The following MACROD2 variants were observed in gnomAD, a reference collection of about 807,000 sequenced individuals.
MACROD2 encodes the protein mono-ADP ribosylhydrolase 2.
In MACROD2, 36 loss-of-function variants were observed where a neutral mutation model predicts 70.4. The observed-to-expected ratio is 0.51, with a 90% CI of 0.39 to 0.68. The LOEUF (loss-of-function observed/expected upper bound fraction) is 0.68, where lower values mean the gene tolerates loss of function less well. Ranked by LOEUF, MACROD2 falls within the 30% of genes least tolerant of loss-of-function variation. MACROD2 has a pLI of 0.00. For synonymous variants in MACROD2, 172 were observed against 178.8 expected (o/e 0.96, Z 0.30); for missense variants, 496 against 538.4 (o/e 0.92, Z 0.78).
chr20:15,569,430 A>G (rs1343710032), intron 8 of MACROD2, among the ~76,000 whole-genome samples: 2 of 152,150 alleles, frequency 1.3e-5, no homozygotes, highest in Non-Finnish European at 2.9e-5. Flanking sequence ...AGCATTTTTT[A>G]AGAATACAAT....
At chr20:16,042,544 C>T (rs1486662512) in intron 16 of MACROD2, among the ~76,000 whole-genome samples, 2 of 152,024 alleles carry the variant, frequency 1.3e-5, no homozygotes, top group Admixed American at 1.3e-4. Context: ...TTTAAAGTTG[C>T]TTTTCCCAAA....
Position 15,388,518 on chromosome 20 carries a change from G to A in MACROD2, c.541-42887G>A, listed in dbSNP as rs116186387. Among the ~76,000 whole-genome samples the A allele has an allele frequency of 2.0e-3, 298 of 152,216 alleles. 3 individuals are homozygous for A. The highest frequency in any genetic ancestry group is 6.8e-3 in the African/African-American group (281 of 41,530). On this transcript the variant is annotated intron_variant, in intron 6 of 17. Coordinates refer to ENST00000684519, the MANE Select transcript of MACROD2 (RefSeq NM_001351661.2). ...CAGATAAACATCACATTATTTTTAA[G>A]TATGTCTCATGTAATATTTCATGTA...
chr20:15,634,053 T>A (rs1313379554), intron 8 of MACROD2, among the ~76,000 whole-genome samples: 1 of 152,250 alleles, frequency 6.6e-6, no homozygotes, highest in Non-Finnish European at 1.5e-5. Context: ...GGTTTTTTCC[T>A]CTCTGGTTGC....
At chr20:15,758,405 A>ATTTTTGT (rs2051381261) in intron 8 of MACROD2, among the ~76,000 whole-genome samples, 1 of 142,112 alleles carries the variant, frequency 7.0e-6, no homozygotes, top group African/African-American at 2.6e-5. Flanking sequence ...CACCCAGCTA[A>ATTTTTGT]TTTTTGTTTT....
At chr20:14,783,825 A>G (rs1181494458) in intron 5 of MACROD2, among the ~76,000 whole-genome samples, 1 of 152,084 alleles carries the variant, frequency 6.6e-6, no homozygotes, top group African/African-American at 2.4e-5. Flanking sequence ...CCCCTGTAGA[A>G]TATGTACCTC....
intron 3 of MACROD2, among the ~76,000 whole-genome samples, chr20:14,413,815 T>A (rs2083774537): frequency 6.6e-6 from 1 of 152,228 alleles, no homozygotes. Context: ...TTTTTTTTCC[T>A]GTTGAAATTG....
intron 5 of MACROD2, among the ~76,000 whole-genome samples, chr20:15,028,386 C>A (rs551747480): frequency 6.6e-6 from 1 of 152,196 alleles, no homozygotes; most frequent in South Asian, 2.1e-4. Flanking sequence ...TGGGATTAGA[C>A]ACCCAAATCT....
At chr20:15,372,041 G>T (rs16995635) in intron 6 of MACROD2, among the ~76,000 whole-genome samples, 3 of 152,002 alleles carry the variant, frequency 2.0e-5, no homozygotes, top group African/African-American at 7.2e-5. Flanking sequence ...TATTTTTTGT[G>T]TGAACACGTA....
chr20:15,892,343 C>A (rs1263267965), intron 10 of MACROD2, among the ~76,000 whole-genome samples: 2 of 152,204 alleles, frequency 1.3e-5, no homozygotes, highest in East Asian at 3.8e-4. Flanking sequence ...TTTCCTGACA[C>A]TGTCCTCAGA....
chr20:14,006,200 A>G (rs2052817598), intron 2 of MACROD2, among the ~76,000 whole-genome samples: 1 of 152,180 alleles, frequency 6.6e-6, no homozygotes. Context: ...TGTACCATCT[A>G]GATTTTTGTA....
At chr20:14,752,885 A>T (rs1287746718) in intron 5 of MACROD2, among the ~76,000 whole-genome samples, 2 of 152,108 alleles carry the variant, frequency 1.3e-5, no homozygotes, top group African/African-American at 4.8e-5. Flanking sequence ...GTAAGAGTGT[A>T]TGATTGAGTT....
intron 8 of MACROD2, among the ~76,000 whole-genome samples, chr20:15,698,617 G>A (rs2050410861): frequency 6.6e-6 from 1 of 152,132 alleles, no homozygotes; most frequent in South Asian, 2.1e-4. Context: ...TGGCTGTCTA[G>A]GTCTCTAGCA....
chr20:15,508,159 A>G (rs955314489), intron 8 of MACROD2, among the ~76,000 whole-genome samples: 11 of 152,162 alleles, frequency 7.2e-5, no homozygotes, highest in Non-Finnish European at 2.9e-5. Context: ...TGTCTTCTGC[A>G]CTTGCATATA....
chr20:15,681,645 A>C (rs762751064), intron 8 of MACROD2, among the ~76,000 whole-genome samples: 2 of 152,206 alleles, frequency 1.3e-5, no homozygotes, highest in Non-Finnish European at 2.9e-5. Flanking sequence ...AATGGCCAGT[A>C]GTTTGCAGGT....
intron 4 of MACROD2, among the ~76,000 whole-genome samples, chr20:14,546,015 T>C (rs1280279605): frequency 1.3e-5 from 2 of 152,224 alleles, no homozygotes; most frequent in Non-Finnish European, 2.9e-5. Flanking sequence ...TTTAAATTTA[T>C]AAATGCACTG....
chr20:15,674,569 A>G (rs1177406583), intron 8 of MACROD2, among the ~76,000 whole-genome samples: 2 of 152,030 alleles, frequency 1.3e-5, no homozygotes, highest in East Asian at 3.9e-4. Context: ...CTCAAGGCAT[A>G]TTTTCCCATA....
At chr20:14,311,593 C>T (rs1047442366) in intron 3 of MACROD2, among the ~76,000 whole-genome samples, 3 of 152,174 alleles carry the variant, frequency 2.0e-5, no homozygotes, top group Admixed American at 2.0e-4. Context: ...TCTTGGCTGA[C>T]TGCAACCTCT....
intron 5 of MACROD2, among the ~76,000 whole-genome samples, chr20:14,767,578 AG>A (rs1265884656): frequency 6.6e-6 from 1 of 151,926 alleles, no homozygotes; most frequent in Non-Finnish European, 1.5e-5. Context: ...AGTCTTACTG[AG>A]CCTCAGTTTC....
intron 6 of MACROD2, among the ~76,000 whole-genome samples, chr20:15,394,565 G>A (rs934287368): frequency 6.6e-6 from 1 of 152,216 alleles, no homozygotes. Context: ...AAATAAACCA[G>A]CCATCACTTG....
Sources: allele counts gnomAD v4.1 joint callset (sites outside exome capture counted in the v4.1 genomes callset), GRCh38; gene constraint gnomAD v4.1.1; transcripts MANE v1.5; gene names NCBI Gene and HGNC (gene_info 2026-07-23, HGNC 2026-07-21).